The following IGSF11 variants were observed in gnomAD, a reference collection of about 807,000 sequenced individuals.
IGSF11 encodes immunoglobulin superfamily member 11.
In IGSF11, 22 loss-of-function variants were observed where a neutral mutation model predicts 41.0. The ratio of observed to expected loss-of-function variants is 0.54; its 90% CI spans 0.38 to 0.77. The LOEUF (loss-of-function observed/expected upper bound fraction) is 0.77. Among genes scored for constraint, IGSF11 ranks in the 30% least tolerant of loss-of-function variants. IGSF11 has a pLI of 0.00. For missense variants in IGSF11, 444 were observed against 530.8 expected (o/e 0.84, Z 1.61); for synonymous variants, 219 against 201.3 (o/e 1.09, Z -0.74).
intron 1 of IGSF11, among the ~76,000 whole-genome samples, chr3:119,095,744 A>T (rs1186869910): frequency 1.3e-5 from 2 of 152,224 alleles, no homozygotes. Context: ...CAGGAGAGAA[A>T]CACTAAACTT....
chr3:118,985,732 C>G (rs536739372), intron 1 of IGSF11, among the ~76,000 whole-genome samples: 2 of 152,290 alleles, frequency 1.3e-5, no homozygotes, highest in Non-Finnish European at 2.9e-5. Flanking sequence ...CTCAATTAGT[C>G]TCCTCCTCTT....
At chr3:118,968,033 G>C (rs74963582) in intron 1 of IGSF11, among the ~76,000 whole-genome samples, 1 of 152,176 alleles carries the variant, frequency 6.6e-6, no homozygotes, top group Non-Finnish European at 1.5e-5. Context: ...TCAGATAAGG[G>C]TGACTTACAA....
chr3:119,098,921 A>C (rs933238479), intron 1 of IGSF11, among the ~76,000 whole-genome samples: 1 of 151,644 alleles, frequency 6.6e-6, no homozygotes, highest in Non-Finnish European at 1.5e-5. Flanking sequence ...TGTTTTCAGA[A>C]AAAAAGTTTC....
At chr3:119,001,391 A>G (rs1245595170) in intron 1 of IGSF11, among the ~76,000 whole-genome samples, 2 of 151,258 alleles carry the variant, frequency 1.3e-5, no homozygotes, top group Non-Finnish European at 2.9e-5. Context: ...CCCAGAACAG[A>G]ACCTGGCACG....
At chr3:119,014,125 C>T (rs1380531906) in intron 1 of IGSF11, among the ~76,000 whole-genome samples, 7 of 152,168 alleles carry the variant, frequency 4.6e-5, no homozygotes, top group East Asian at 1.9e-4. Flanking sequence ...ACCACCCCCT[C>T]GGGTAATTTA....
intron 1 of IGSF11, among the ~76,000 whole-genome samples, chr3:119,119,767 G>A (rs1017244974): frequency 3.9e-5 from 6 of 152,158 alleles, no homozygotes; most frequent in African/African-American, 1.2e-4. Context: ...TAGCAGGTGG[G>A]GGAGGGGGGT....
intron 1 of IGSF11, among the ~76,000 whole-genome samples, chr3:119,115,955 T>C (rs2077250738): frequency 1.3e-5 from 2 of 152,216 alleles, no homozygotes; most frequent in African/African-American, 2.4e-5. Context: ...GATTATATAA[T>C]TAAGGTCCTA....
chr3:119,134,512 G>A (rs914154739), intron 1 of IGSF11, among the ~76,000 whole-genome samples: 8 of 152,164 alleles, frequency 5.3e-5, no homozygotes, highest in Non-Finnish European at 1.0e-4. Flanking sequence ...TACAAGGGAT[G>A]TGAAGGACCT....
chr3:118,936,249 G>A (rs1943266842), intron 1 of IGSF11, among the ~76,000 whole-genome samples: 1 of 152,120 alleles, frequency 6.6e-6, no homozygotes, highest in African/African-American at 2.4e-5. Context: ...GCTCACACTT[G>A]TAATCCCAGC....
intron 1 of IGSF11, among the ~76,000 whole-genome samples, chr3:119,007,991 C>T (rs944092908): frequency 3.3e-5 from 5 of 152,234 alleles, no homozygotes; most frequent in African/African-American, 9.6e-5. Flanking sequence ...TCCTAATCAT[C>T]GACTCAAAAG....
At chr3:118,986,511 T>C (rs1046969651) in intron 1 of IGSF11, among the ~76,000 whole-genome samples, 5 of 152,232 alleles carry the variant, frequency 3.3e-5, no homozygotes, top group Non-Finnish European at 5.9e-5. Flanking sequence ...ATAATTTGTA[T>C]GCTCAATTTA....
chr3:119,045,729 C>G (rs373893448), intron 1 of IGSF11, among the ~76,000 whole-genome samples: 1 of 151,872 alleles, frequency 6.6e-6, no homozygotes, highest in South Asian at 2.1e-4. Flanking sequence ...AACCTCTGCA[C>G]ACTTAAATGT....
At chr3:119,071,014 C>G (rs1276493085) in intron 1 of IGSF11, among the ~76,000 whole-genome samples, 2 of 152,082 alleles carry the variant, frequency 1.3e-5, no homozygotes, top group Non-Finnish European at 2.9e-5. Context: ...GTAGCACCCT[C>G]AAAAAAAGCT....
intron 1 of IGSF11, among the ~76,000 whole-genome samples, chr3:119,102,431 A>G (rs1270381029): frequency 6.6e-6 from 1 of 152,166 alleles, no homozygotes; most frequent in Non-Finnish European, 1.5e-5. Context: ...ATGAAATTAG[A>G]CTGTTTTGCC....
chr3:118,969,263 C>G (rs926993994), intron 1 of IGSF11, among the ~76,000 whole-genome samples: 28 of 152,216 alleles, frequency 1.8e-4, no homozygotes, highest in African/African-American at 6.7e-4. Context: ...AAAATGACAG[C>G]TCTGTCAGGG....
chr3:119,050,911 C>T (rs1264024711), intron 1 of IGSF11, among the ~76,000 whole-genome samples: 2 of 150,626 alleles, frequency 1.3e-5, no homozygotes, highest in Non-Finnish European at 2.9e-5. Context: ...AAACCAAACA[C>T]CGCATATTCT....
At chr3:119,004,429 A>AT (rs1205315199) in intron 1 of IGSF11, among the ~76,000 whole-genome samples, 2 of 151,470 alleles carry the variant, frequency 1.3e-5, no homozygotes, top group Non-Finnish European at 2.9e-5. Context: ...GGATTCATTG[A>AT]TTTTTTGAAG....
intron 1 of IGSF11, among the ~76,000 whole-genome samples, chr3:119,124,318 G>GTGCAA (rs1171006563): frequency 1.5e-5 from 2 of 132,462 alleles, no homozygotes; most frequent in Non-Finnish European, 3.1e-5. Context: ...CCAGTCTGGA[G>GTGCAA]TGCAATGACG....
In IGSF11 at chr3:118,982,430, T is replaced by A. The variant is rs543863478; in HGVS notation, c.52+52101A>T. Among the ~76,000 whole-genome samples the A allele has an allele frequency of 2.0e-5, 3 of 152,298 alleles. No individual in the cohort carries two copies. The South Asian group carries it at 6.2e-4, about 32-fold the overall frequency. On this transcript the variant is annotated intron_variant, in intron 1 of 6. Transcript: ENST00000393775. The stretch of plus-strand genomic sequence containing the variant: ...ATCTTCTCCCAAAAAAAGGAGCTGA[T>A]AAACTCATTCACTAATAAAATTATT...
Sources: allele counts gnomAD v4.1 joint callset (sites outside exome capture counted in the v4.1 genomes callset), GRCh38; gene constraint gnomAD v4.1.1; transcripts MANE v1.5; gene names NCBI Gene and HGNC (gene_info 2026-07-23, HGNC 2026-07-21).